The following VPS54 variants were observed in gnomAD, a reference collection of about 807,000 sequenced individuals.
VPS54 encodes the protein VPS54 subunit of GARP complex, also known as vacuolar protein sorting-associated protein 54.
In VPS54, 45 loss-of-function variants were observed where a neutral mutation model predicts 121.5. The observed-to-expected ratio is 0.37, with a 90% CI of 0.29 to 0.47. The LOEUF (loss-of-function observed/expected upper bound fraction) is 0.47. Among genes scored for constraint, VPS54 ranks in the 20% least tolerant of loss-of-function variants. The pLI, the probability that VPS54 is intolerant of heterozygous loss-of-function variation, is 0.99. For missense variants in VPS54, 1,090 were observed against 1,131.4 expected (o/e 0.96, Z 0.52); for synonymous variants, 371 against 385.8 (o/e 0.96, Z 0.45).
At chr2:63,961,469 G>A (rs1675767729) in intron 7 of VPS54, among the ~76,000 whole-genome samples, 1 of 152,102 alleles carries the variant, frequency 6.6e-6, no homozygotes, top group Admixed American at 6.5e-5. Context: ...CAAGGATACT[G>A]CAAGCCTGCT....
intron 1 of VPS54, among the ~76,000 whole-genome samples, chr2:63,992,159 G>C (rs184000132): frequency 2.4e-4 from 37 of 152,176 alleles, no homozygotes; most frequent in African/African-American, 8.4e-4. Context: ...TTGCTCAATT[G>C]CTTTTACTAC....
intron 12 of VPS54, among the ~76,000 whole-genome samples, chr2:63,924,597 T>C (rs1298615340): frequency 6.6e-6 from 1 of 152,060 alleles, no homozygotes; most frequent in African/African-American, 2.4e-5. Flanking sequence ...GACAGGAGGA[T>C]CACTTGAGGC....
intron 7 of VPS54, among the ~76,000 whole-genome samples, chr2:63,952,881 A>C (rs1291794195): frequency 6.6e-6 from 1 of 152,160 alleles, no homozygotes; most frequent in Non-Finnish European, 1.5e-5. Context: ...ATGAGCAAAA[A>C]TACCAAAGAA....
At chr2:63,925,699 A>T (rs948420304) in intron 12 of VPS54, among the ~76,000 whole-genome samples, 4 of 152,264 alleles carry the variant, frequency 2.6e-5, no homozygotes, top group Non-Finnish European at 5.9e-5. Flanking sequence ...CTGGATAGAT[A>T]TCACAACTGT....
In VPS54 at chr2:63,990,105, C is replaced by G. The variant is rs1323341293; in HGVS notation, c.-20-6086G>C. Among the ~76,000 whole-genome samples the G allele has an allele frequency of 3.3e-5, 5 of 152,302 alleles. No individual in the cohort carries two copies. The East Asian group carries it at 7.7e-4, about 24-fold the overall frequency. ...GACATACCAATCCCGTGACCCCCTA[C>G]AGTTAACACAATTTTCTGAATGTGA... On this transcript the variant is annotated intron_variant, in intron 1 of 22. Transcript: ENST00000272322.
At chr2:63,922,537 C>A (rs1024634525) in intron 12 of VPS54, among the ~76,000 whole-genome samples, 1 of 152,148 alleles carries the variant, frequency 6.6e-6, no homozygotes, top group African/African-American at 2.4e-5. Flanking sequence ...GAAACATTAT[C>A]TCGTTTCATT....
intron 5 of VPS54, among the ~76,000 whole-genome samples, chr2:63,966,229 A>G (rs1258441629): frequency 1.3e-5 from 2 of 152,190 alleles, no homozygotes; most frequent in African/African-American, 4.8e-5. Context: ...ACATGATCAT[A>G]CTCACTCATG....
chr2:63,970,489 G>A (rs1358585018), intron 4 of VPS54, among the ~76,000 whole-genome samples: 1 of 151,602 alleles, frequency 6.6e-6, no homozygotes, highest in Non-Finnish European at 1.5e-5. Flanking sequence ...ACATAATACT[G>A]GTAGTCTACA....
In VPS54 at chr2:63,942,454, T is replaced by A; in HGVS notation, c.1398+11A>T. 1 of 1,554,118 alleles carries A rather than the reference T, an allele frequency of 6.4e-7. No individual in the cohort carries two copies. The highest frequency in any genetic ancestry group is 8.7e-7 in the Non-Finnish European group (1 of 1,150,860). On this transcript the variant is annotated intron_variant, in intron 11 of 22. Transcript: ENST00000272322. ...TAGGGATATTCTAGACAAACTAATT[T>A]ATAAGCTTACCTTCACTCTCTGTAG...
At chr2:63,929,145 C>G (rs2104472787) in intron 12 of VPS54, among the ~76,000 whole-genome samples, 1 of 152,300 alleles carries the variant, frequency 6.6e-6, no homozygotes, top group East Asian at 1.9e-4. Flanking sequence ...GACTTGAACT[C>G]AGCTCTGGAC....
intron 4 of VPS54, 93 bp downstream of exon 4, chr2:63,972,073 T>C: frequency 7.4e-6 from 5 of 672,316 alleles, no homozygotes; most frequent in South Asian, 5.3e-5. Flanking sequence ...ATAAAAATTA[T>C]AGATATAACA....
intron 1 of VPS54, among the ~76,000 whole-genome samples, chr2:64,003,743 T>TA: frequency 6.6e-6 from 1 of 152,234 alleles, no homozygotes; most frequent in East Asian, 1.9e-4. Flanking sequence ...CAAGGATGAG[T>TA]AAATAGAGAT....
At position 63,947,476 on chromosome 2, in the gene VPS54, A is replaced by G. The variant is rs538945148; in HGVS notation, c.1152T>C (p.Ser384=). 2.0e-6 allele frequency: 3 copies of G among 1,521,276 alleles called. No individual in the cohort carries two copies. The South Asian group carries it at 3.5e-5, about 18-fold the overall frequency. 94.2% of individuals were successfully genotyped at this position (1,521,276 alleles called of 1,614,324 possible). A position where few individuals can be genotyped will look rare whatever the true frequency, so the allele number is the denominator to read the frequency against. The change falls in exon 9 of 23, where the codon TCT becomes TCC. Residue 384 remains serine (S), a synonymous_variant. Transcript: ENST00000272322. ...TTTGTTTTAAAAGTCCAAATACAAG[A>G]GATATTAGTCTTTCCTGTTAAAATA... is the stretch of plus-strand genomic sequence containing the variant. ...CQVLEEERLI[S]LVFGLLKQRK...
intron 7 of VPS54, among the ~76,000 whole-genome samples, chr2:63,955,242 T>C (rs556450683): frequency 4.6e-5 from 7 of 152,056 alleles, no homozygotes; most frequent in Admixed American, 2.6e-4. Context: ...TTTCCTTTAC[T>C]GTTGTGTATG....
At chr2:63,961,330 TA>T (rs1174112697) in intron 7 of VPS54, among the ~76,000 whole-genome samples, 1 of 152,212 alleles carries the variant, frequency 6.6e-6, no homozygotes, top group Non-Finnish European at 1.5e-5. Context: ...ATAATTCAAT[TA>T]AAATAAATGT....
intron 14 of VPS54, among the ~76,000 whole-genome samples, 179 bp downstream of exon 14, chr2:63,920,267 A>G (rs1185773303): frequency 6.6e-6 from 1 of 152,158 alleles, no homozygotes; most frequent in African/African-American, 2.4e-5. Context: ...AGAAGTAAAC[A>G]TTCTAACTCC....
intron 20 of VPS54, among the ~76,000 whole-genome samples, chr2:63,910,696 T>G (rs1380924339): frequency 6.6e-6 from 1 of 152,188 alleles, no homozygotes; most frequent in Non-Finnish European, 1.5e-5. Context: ...ATATAGGTCA[T>G]GCATACATGG....
intron 20 of VPS54, among the ~76,000 whole-genome samples, chr2:63,911,964 AAAAC>A (rs1673168475): frequency 6.6e-6 from 1 of 152,196 alleles, no homozygotes. Context: ...TTGGGAATGA[AAAAC>A]AAACAAGAAA....
At chr2:63,983,787 G>T in intron 2 of VPS54, 77 bp downstream of exon 2, 1 of 1,475,208 alleles carries the variant, frequency 6.8e-7, no homozygotes, top group Non-Finnish European at 9.1e-7. Flanking sequence ...TTCTAACGTT[G>T]GTATATAAAA....
Sources: gnomAD v4.1 joint callset for allele counts (sites outside exome capture counted in the v4.1 genomes callset) on GRCh38, gnomAD v4.1.1 for gene constraint, MANE v1.5 for transcripts, NCBI Gene and HGNC (gene_info 2026-07-23, HGNC 2026-07-21) for gene names.